Variants in OR52E2 observed in about 807,000 individuals in gnomAD.
OR52E2 encodes the protein olfactory receptor family 52 subfamily E member 2, also known as olfactory receptor 52E2.
For synonymous variants in OR52E2, 130 were observed against 143.9 expected (o/e 0.90, Z 0.69); for missense variants, 443 against 403.9 (o/e 1.10, Z -0.83).
rs748264136 is a variant in OR52E2 at position 5,058,835 on chromosome 11, A to T, written c.793T>A (p.Phe265Ile). ...PALFSFMTHR[F>I]GRNVPRYIHI... is the part of the protein sequence containing the mutation. ...ATATAGCGGGGCACATTTCGGCCAA[A>T]GCGATGAGTCATAAAGGAAAAGAGG... Residue 265 changes from phenylalanine (F) to isoleucine (I), a missense_variant, in exon 1 of 1, where the codon TTT becomes ATT. Physicochemically the swap from Phe to Ile is conservative, Grantham distance 21. Transcript: ENST00000321522. 1 of 1,579,278 alleles carries T rather than the reference A, an allele frequency of 6.3e-7. No homozygotes were observed. The highest frequency in any genetic ancestry group is 2.2e-5 in the East Asian group (1 of 44,732).
chr11:5,058,670 G>C lies in OR52E2; in HGVS notation c.958C>G (p.Leu320Val), dbSNP rs1451201780. Reference protein sequence around the residue: ...QEQGMEKEEYLIHTRF With the variant: ...QEQGMEKEEYVIHTRF ...TGCATTCAGAACCTCGTATGTATTAGGTACTCTTCCTTTTCCATTCCTTGT... is the reference window on the plus strand; with the variant it reads ...TGCATTCAGAACCTCGTATGTATTACGTACTCTTCCTTTTCCATTCCTTGT... The change falls in exon 1 of 1, where the codon CTA (leucine) becomes GTA (valine). Residue 320 changes from leucine (L) to valine (V), a missense_variant. By Grantham distance (32) the Leu-to-Val change is conservative (BLOSUM62 1). Coordinates refer to ENST00000321522, the MANE Select transcript of OR52E2 (RefSeq NM_001005164.2). 2 of 1,478,740 alleles carry C rather than the reference G, an allele frequency of 1.4e-6. No homozygotes were observed. Among genetic ancestry groups the C allele is most frequent in the South Asian group, 1.6e-5 (1 of 63,124 alleles). 91.6% of individuals were successfully genotyped at this position (1,478,740 alleles called of 1,614,324 possible).
rs147958123 is a variant in OR52E2, at chr11:5,059,583, C to A, written c.45G>T (p.Leu15=). Residue 15 remains leucine, a synonymous_variant, in exon 1 of 1, where the codon CTG becomes CTT. Coordinates refer to ENST00000321522, the MANE Select transcript of OR52E2 (RefSeq NM_001005164.2). ...TTTCTAGTCCTGGGATCCCCAGCAA[C>A]AGGAAGGAGGAGGGGTGAAACTGGG... The part of the protein sequence containing the change: ...NDTQFHPSSF[L]LLGIPGLETL... 22 of 1,611,336 alleles carry A rather than the reference C, an allele frequency of 1.4e-5. No individual in the cohort carries two copies. The African/African-American group carries it at 1.6e-4, about 12-fold the overall frequency.
chr11:5,059,029 T>C lies in OR52E2; in HGVS notation c.599A>G (p.Tyr200Cys). ...TAGATTACAAATGGCACATAAACCA[T>C]AAATAATATTGATTTTGATGCTGGC... ...SCASIKINII[Y>C]GLCAICNLVF... Residue 200 changes from tyrosine to cysteine, a missense_variant, in exon 1 of 1, where the codon TAT (tyrosine) becomes TGT (cysteine). Tyr to Cys is a radical substitution (Grantham distance 194, BLOSUM62 -2). Coordinates refer to ENST00000321522, the MANE Select transcript of OR52E2 (RefSeq NM_001005164.2). 1 of 1,613,736 alleles carries C rather than the reference T, an allele frequency of 6.2e-7. No homozygotes were observed. The highest frequency in any genetic ancestry group is 1.3e-5 in the African/African-American group (1 of 74,954).
chr11:5,059,036 T>C lies in OR52E2; in HGVS notation c.592A>G (p.Ile198Val), dbSNP rs1193907983. The change falls in exon 1 of 1, where the codon ATT becomes GTT. Residue 198 changes from isoleucine to valine, a missense_variant. Transcript: ENST00000321522. Reference sequence around the variant, plus strand: ...CAAATGGCACATAAACCATAAATAATATTGATTTTGATGCTGGCACAAGAT... The same window carrying C: ...CAAATGGCACATAAACCATAAATAACATTGATTTTGATGCTGGCACAAGAT... ...HLSCASIKIN[I>V]IYGLCAICNL... The C allele has an allele frequency of 1.9e-6, 3 of 1,613,534 alleles. No homozygotes were observed. The highest frequency in any genetic ancestry group is 2.5e-6 in the Non-Finnish European group (3 of 1,179,856).
Position 5,059,264 on chromosome 11 carries a change from A to C in OR52E2, c.364T>G (p.Tyr122Asp). 1 of 1,613,832 alleles carries C rather than the reference A, an allele frequency of 6.2e-7. No homozygotes were observed. Among genetic ancestry groups the C allele is most frequent in the Non-Finnish European group, 8.5e-7 (1 of 1,179,932 alleles). The change falls in exon 1 of 1, where the codon TAT becomes GAT. Residue 122 changes from tyrosine to aspartate, a missense_variant. Tyr to Asp is a radical substitution (Grantham distance 160, BLOSUM62 -3). Coordinates refer to ENST00000321522, the MANE Select transcript of OR52E2 (RefSeq NM_001005164.2). ...MESAVLVAMA[Y>D]DSYVAICNPL... ...TTGCAGATGGCCACATAGCTGTCAT[A>C]AGCCATTGCCACAAGGACTGCTGAC...
At position 5,059,276 on chromosome 11, in the gene OR52E2, CA is replaced by C; in HGVS notation, c.351del (p.Val118TrpfsTer28). The C allele has an allele frequency of 3.1e-6, 5 of 1,613,686 alleles. No homozygotes were observed. The highest frequency in any genetic ancestry group is 4.2e-6 in the Non-Finnish European group (5 of 1,179,882). The part of the protein sequence containing the change: ...HNFTLMESAV[L>X]VAMAYDSYVA... ...ACATAGCTGTCATAAGCCATTGCCA[CA>C]AGGACTGCTGACTCCATAAGTGTGA... On this transcript the variant is annotated frameshift_variant, in exon 1 of 1. Coordinates refer to ENST00000321522, the MANE Select transcript of OR52E2 (RefSeq NM_001005164.2). LOFTEE classifies it low-confidence loss of function (END_TRUNC).
Position 5,058,790 on chromosome 11 carries a change from G to T in OR52E2, c.838C>A (p.Leu280Ile), listed in dbSNP as rs771483106. Residue 280 changes from leucine to isoleucine, a missense_variant, in exon 1 of 1, where the codon CTC becomes ATC. Leu to Ile is a conservative substitution (Grantham distance 5). Transcript: ENST00000321522. ...PRYIHILLANLYVVVPPMLNP... is the reference protein window; with the variant it reads ...PRYIHILLANIYVVVPPMLNP... ...AGCATTGGTGGCACCACAACATAGAGATTGGCTAGGAGTATATGGATATAG... is the reference window on the plus strand; with the variant it reads ...AGCATTGGTGGCACCACAACATAGATATTGGCTAGGAGTATATGGATATAG... The T allele has an allele frequency of 1.3e-6, 2 of 1,597,822 alleles. No homozygotes were observed. Among genetic ancestry groups the T allele is most frequent in the Non-Finnish European group, 1.7e-6 (2 of 1,174,044 alleles).
chr11:5,059,611 T>A lies in OR52E2; in HGVS notation c.17A>T (p.Asp6Val), dbSNP rs757020120. 9.4e-6 allele frequency: 15 copies of A among 1,602,100 alleles called. No homozygotes were observed. The highest frequency in any genetic ancestry group is 1.0e-5 in the Non-Finnish European group (12 of 1,173,226). MFLPNDTQFHPSSFLL... is the reference protein window; with the variant it reads MFLPNVTQFHPSSFLL... ...GAAGGAGGAGGGGTGAAACTGGGTG[T>A]CATTGGGAAGGAACATCCTGCTTGT... Residue 6 changes from aspartate to valine, a missense_variant, in exon 1 of 1, where the codon GAC (aspartate) becomes GTC (valine). Transcript: ENST00000321522.
In OR52E2 at chr11:5,059,052, G is replaced by A; in HGVS notation, c.576C>T (p.Ala192=). 1 of 1,613,564 alleles carries A rather than the reference G, an allele frequency of 6.2e-7. No homozygotes were observed. Residue 192 remains alanine (A), a synonymous_variant, in exon 1 of 1, where the codon GCC becomes GCT. Transcript: ENST00000321522. ...EHMGLAHLSC[A]SIKINIIYGL... The stretch of plus-strand genomic sequence containing the variant: ...CATAAATAATATTGATTTTGATGCT[G>A]GCACAAGATAGATGAGCAAGACCCA...
At position 5,059,108 on chromosome 11, in the gene OR52E2, G is replaced by A. The variant is rs866037161; in HGVS notation, c.520C>T (p.His174Tyr). Residue 174 changes from histidine (H) to tyrosine (Y), a missense_variant, in exon 1 of 1, where the codon CAT becomes TAT. Transcript: ENST00000321522. ...TCACAGTAGGTGTGGGGAATTACAT[G>A]ATTCCCACAGAAGGGCAACCGCAAT... ...LILRLPFCGN[H>Y]VIPHTYCEHM... 3 of 1,613,082 alleles carry A rather than the reference G, an allele frequency of 1.9e-6. No homozygotes were observed. The highest frequency in any genetic ancestry group is 2.5e-6 in the Non-Finnish European group (3 of 1,179,586).
In OR52E2 at chr11:5,059,516, T is replaced by C; in HGVS notation, c.112A>G (p.Met38Val). Reference sequence around the variant, plus strand: ...GTGAAGTTCCCTATGAGTGCGATCATGTACACAGCACAGAAGGGAAAGCCG... The same window carrying C: ...GTGAAGTTCCCTATGAGTGCGATCACGTACACAGCACAGAAGGGAAAGCCG... ...WIGFPFCAVYMIALIGNFTIL... is the reference protein window; with the variant it reads ...WIGFPFCAVYVIALIGNFTIL... The change falls in exon 1 of 1, where the codon ATG becomes GTG. Residue 38 changes from methionine (M) to valine (V), a missense_variant. Met to Val is a conservative substitution (Grantham distance 21, BLOSUM62 1). Coordinates refer to ENST00000321522, the MANE Select transcript of OR52E2 (RefSeq NM_001005164.2). 6.2e-7 allele frequency: 1 copy of C among 1,613,982 alleles called. No individual in the cohort carries two copies. Among genetic ancestry groups the C allele is most frequent in the Non-Finnish European group, 8.5e-7 (1 of 1,179,948 alleles).
Position 5,059,261 on chromosome 11 carries a change from C to A in OR52E2, c.367G>T (p.Asp123Tyr), listed in dbSNP as rs573919932. The A allele has an allele frequency of 5.0e-6, 8 of 1,613,714 alleles. No individual in the cohort carries two copies. In the Admixed American group the frequency reaches 1.3e-4, roughly 27 times the overall value. ...ESAVLVAMAY[D>Y]SYVAICNPLQ... ...GGATTGCAGATGGCCACATAGCTGT[C>A]ATAAGCCATTGCCACAAGGACTGCT... Residue 123 changes from aspartate (D) to tyrosine (Y), a missense_variant, in exon 1 of 1, where the codon GAC becomes TAC. Transcript: ENST00000321522.
rs1226206074 is a variant in OR52E2, at chr11:5,059,092, G to A, written c.536C>T (p.Thr179Ile). The stretch of plus-strand genomic sequence containing the variant: ...AGCAAGACCCATGTGCTCACAGTAG[G>A]TGTGGGGAATTACATGATTCCCACA... ...PFCGNHVIPH[T>I]YCEHMGLAHL... The change falls in exon 1 of 1, where the codon ACC becomes ATC. Residue 179 changes from threonine to isoleucine, a missense_variant. Transcript: ENST00000321522. The A allele has an allele frequency of 6.2e-7, 1 of 1,613,218 alleles. No homozygotes were observed. The highest frequency in any genetic ancestry group is 1.1e-5 in the South Asian group (1 of 90,928).
rs750625694 is a variant in OR52E2, at chr11:5,059,121, G to C, written c.507C>G (p.Pro169=). 1 of 1,613,494 alleles carries C rather than the reference G, an allele frequency of 6.2e-7. No individual in the cohort carries two copies. ...IPSILLILRL[P]FCGNHVIPHT... The stretch of plus-strand genomic sequence containing the variant: ...GGGGAATTACATGATTCCCACAGAA[G>C]GGCAACCGCAATATAAGAAGTATAG... Residue 169 remains proline (P), a synonymous_variant, in exon 1 of 1, where the codon CCC becomes CCG. Transcript: ENST00000321522.
Position 5,059,181 on chromosome 11 carries a change from A to G in OR52E2, c.447T>C (p.Gly149=). The G allele has an allele frequency of 1.2e-6, 2 of 1,613,740 alleles. No homozygotes were observed. Among genetic ancestry groups the G allele is most frequent in the Non-Finnish European group, 1.7e-6 (2 of 1,179,904 alleles). ...TNKVVSVIGL[G]VFVRALIFVI... ...CGAAAATTAAAGCCCTCACAAACAC[A>G]CCAAGACCAATCACAGAAACAACCT... Residue 149 remains glycine, a synonymous_variant, in exon 1 of 1, where the codon GGT becomes GGC. Coordinates refer to ENST00000321522, the MANE Select transcript of OR52E2 (RefSeq NM_001005164.2).
In OR52E2 at chr11:5,059,221, G is replaced by A. The variant is rs933132067; in HGVS notation, c.407C>T (p.Ala136Val). Reference protein sequence around the residue: ...VAICNPLQYSAILTNKVVSVI... With the variant: ...VAICNPLQYSVILTNKVVSVI... ...AGAAACAACCTTGTTGGTGAGGATG[G>A]CGCTATATTGGAGTGGATTGCAGAT... is the stretch of plus-strand genomic sequence containing the variant. Residue 136 changes from alanine (A) to valine (V), a missense_variant, in exon 1 of 1, where the codon GCC becomes GTC. Transcript: ENST00000321522. 6 of 1,613,578 alleles carry A rather than the reference G, an allele frequency of 3.7e-6. No homozygotes were observed. The African/African-American group carries it at 8.0e-5, about 22-fold the overall frequency.
chr11:5,059,526 A>C lies in OR52E2; in HGVS notation c.102T>G (p.Cys34Trp). 6.2e-7 allele frequency: 1 copy of C among 1,613,974 alleles called. No individual in the cohort carries two copies. The highest frequency in any genetic ancestry group is 1.7e-5 in the Admixed American group (1 of 59,976). Residue 34 changes from cysteine (C) to tryptophan (W), a missense_variant, in exon 1 of 1, where the codon TGT (cysteine) becomes TGG (tryptophan). Coordinates refer to ENST00000321522, the MANE Select transcript of OR52E2 (RefSeq NM_001005164.2). ...TLHIWIGFPF[C>W]AVYMIALIGN... ...CTATGAGTGCGATCATGTACACAGC[A>C]CAGAAGGGAAAGCCGATCCAGATGT...
Position 5,058,747 on chromosome 11 carries a change from CCAT to C in OR52E2, c.878_880del (p.Tyr293_Gly294delinsTer), listed in dbSNP as rs1209088514. The C allele has an allele frequency of 6.3e-7, 1 of 1,587,354 alleles. No individual in the cohort carries two copies. The highest frequency in any genetic ancestry group is 8.5e-7 in the Non-Finnish European group (1 of 1,170,450). ...TTTATAGATCTGCTTGGTTCTGACTCCATATATGACAGGATTGAGCATTGGTGG... is the reference window on the plus strand; with the variant it reads ...TTTATAGATCTGCTTGGTTCTGACTCATATGACAGGATTGAGCATTGGTGG... On this transcript the variant is annotated stop_gained and inframe_deletion, in exon 1 of 1. Coordinates refer to ENST00000321522, the MANE Select transcript of OR52E2 (RefSeq NM_001005164.2). LOFTEE classifies it low-confidence loss of function (END_TRUNC).
chr11:5,058,993 A>C lies in OR52E2; in HGVS notation c.635T>G (p.Ile212Ser). The C allele has an allele frequency of 6.2e-7, 1 of 1,613,676 alleles. No individual in the cohort carries two copies. ...CACATAAGAAAGGGCAATGACTGTG[A>C]TGTCAAACACTAGATTACAAATGGC... ...LCAICNLVFD[I>S]TVIALSYVHI... is the part of the protein sequence containing the mutation. The change falls in exon 1 of 1, where the codon ATC becomes AGC. Residue 212 changes from isoleucine (I) to serine (S), a missense_variant. Transcript: ENST00000321522.
Sources: gnomAD v4.1 joint callset for allele counts on GRCh38, gnomAD v4.1.1 for gene constraint, MANE v1.5 for transcripts, NCBI Gene and HGNC (gene_info 2026-07-23, HGNC 2026-07-21) for gene names.